The following ARAP2 variants were observed in gnomAD, a reference collection of about 807,000 sequenced individuals.
The protein encoded by ARAP2 is arf-GAP with Rho-GAP domain, ANK repeat and PH domain-containing protein 2.
A neutral mutation model predicts 194.5 loss-of-function variants in ARAP2; 148 were observed. The ratio of observed to expected loss-of-function variants is 0.76; its 90% CI spans 0.67 to 0.87. ARAP2 has a LOEUF of 0.87. Ranked by LOEUF, ARAP2 falls within the 40% of genes least tolerant of loss-of-function variation. The probability of loss-of-function intolerance (pLI) is 0.00; values close to 1 mark genes in which losing one functional copy is unlikely to be tolerated. For missense variants in ARAP2, 2,128 were observed against 1,989.7 expected, an observed-to-expected ratio of 1.07 and a Z score of -1.32; for synonymous variants, 695 against 683.5, an observed-to-expected ratio of 1.02 and a Z score of -0.26.
At chr4:36,038,051 T>A (rs1406984429) in intron 5 of ARAP2, among the ~76,000 whole-genome samples, 2 of 152,162 alleles carry the variant, frequency 1.3e-5, no homozygotes, top group African/African-American at 2.4e-5. Flanking sequence ...GCAGGAGACA[T>A]CCTGGGTTCT....
At chr4:36,191,451 T>C (rs973640603) in intron 7 of ARAP2, among the ~76,000 whole-genome samples, 3 of 151,456 alleles carry the variant, frequency 2.0e-5, no homozygotes, top group Non-Finnish European at 2.9e-5. Flanking sequence ...GATCAAAATA[T>C]ACTTAACAAG....
intron 6 of ARAP2, among the ~76,000 whole-genome samples, chr4:36,016,830 C>A (rs1447549239): frequency 2.6e-5 from 4 of 152,134 alleles, no homozygotes; most frequent in Non-Finnish European, 5.9e-5. Context: ...ATTGTATATT[C>A]TTTGAGAGAC....
intron 27 of ARAP2, among the ~76,000 whole-genome samples, chr4:36,098,692 A>G (rs1483717056): frequency 6.6e-6 from 1 of 152,026 alleles, no homozygotes; most frequent in African/African-American, 2.4e-5. Context: ...TAATCACTTG[A>G]TTGATCTTGA....
At chr4:36,059,437 T>C (rs1371004211) in intron 1 of ARAP2, among the ~76,000 whole-genome samples, 1 of 152,160 alleles carries the variant, frequency 6.6e-6, no homozygotes, top group African/African-American at 2.4e-5. Context: ...TTGCCAATCA[T>C]TAGCTGAATA....
chr4:36,053,865 T>C (rs1304681536), intron 2 of ARAP2, among the ~76,000 whole-genome samples: 1 of 152,204 alleles, frequency 6.6e-6, no homozygotes, highest in African/African-American at 2.4e-5. Context: ...TTGATTATCT[T>C]ACAAATTTAG....
chr4:36,240,815 G>A (rs1008817241), intron 1 of ARAP2, among the ~76,000 whole-genome samples: 1 of 152,032 alleles, frequency 6.6e-6, no homozygotes, highest in African/African-American at 2.4e-5. Flanking sequence ...AGCACAATCT[G>A]AAAAACACAA....
chr4:36,216,492 T>A (rs1462525150), intron 2 of ARAP2, among the ~76,000 whole-genome samples: 1 of 152,218 alleles, frequency 6.6e-6, no homozygotes, highest in East Asian at 1.9e-4. Context: ...GCATCCATTT[T>A]AGAAAATTGC....
chr4:36,043,986 T>C (rs903575566), intron 5 of ARAP2, among the ~76,000 whole-genome samples: 5 of 151,994 alleles, frequency 3.3e-5, no homozygotes, highest in South Asian at 2.1e-4. Flanking sequence ...AAGTAATTAG[T>C]GAATATATGA....
chr4:36,017,445 C>T lies in ARAP2; in HGVS notation n.751-1487G>A, dbSNP rs189339428. The stretch of plus-strand genomic sequence containing the variant: ...ATGATGAGAAACAGAGAAAAACACA[C>T]CAGGATAAGGAGAATAAGAGAGAAA... On this transcript the variant is annotated intron_variant and non_coding_transcript_variant, in intron 6 of 12. Coordinates refer to the ARAP2 transcript ENST00000503225. Among the ~76,000 whole-genome samples, 55 of 150,664 alleles carry T rather than the reference C, an allele frequency of 3.7e-4. No homozygotes were observed. In the East Asian group the frequency reaches 7.4e-3, roughly 20 times the overall value.
At chr4:36,204,554 C>T (rs928718413) in intron 6 of ARAP2, among the ~76,000 whole-genome samples, 1 of 152,192 alleles carries the variant, frequency 6.6e-6, no homozygotes, top group Non-Finnish European at 1.5e-5. Context: ...AGTGTGCACT[C>T]GGCCTGGGGA....
chr4:36,067,022 AGAAATTCT>A lies in ARAP2; in HGVS notation c.*877_*884del, dbSNP rs768038902. The A allele has an allele frequency of 1.1e-4, 16 of 152,366 alleles. No individual in the cohort carries two copies. Among genetic ancestry groups the A allele is most frequent in the Non-Finnish European group, 2.1e-4 (14 of 68,034 alleles). 9.4% of individuals were successfully genotyped at this position (152,366 alleles called of 1,614,324 possible). On this transcript the variant is annotated 3_prime_UTR_variant, in exon 33 of 33. Coordinates refer to ENST00000303965, the MANE Select transcript of ARAP2 (RefSeq NM_015230.4). ...TTTTGTTCGTACCAAAAGTATAGTC[AGAAATTCT>A]GAAAAAAGACAAAATGCTTGCATAC...
chr4:36,200,663 C>T (rs1015262238), intron 6 of ARAP2, among the ~76,000 whole-genome samples: 2 of 152,184 alleles, frequency 1.3e-5, no homozygotes, highest in Non-Finnish European at 2.9e-5. Context: ...AAGTCCTGTG[C>T]TTCTAACTGC....
chr4:36,026,497 T>G (rs1253544960), intron 5 of ARAP2, among the ~76,000 whole-genome samples: 1 of 152,170 alleles, frequency 6.6e-6, no homozygotes. Flanking sequence ...TGTCATTACA[T>G]CTGCTGTGAG....
intron 15 of ARAP2, among the ~76,000 whole-genome samples, chr4:36,156,491 AAGGAAGGAAGGAAGGAGGG>A (rs1732564541): frequency 9.1e-6 from 1 of 109,552 alleles, no homozygotes; most frequent in Non-Finnish European, 1.8e-5. Context: ...AAGAAAGAAA[AAGGAAGGAAGGAAGGAGGG>A]AGGAAGGAAG....
intron 9 of ARAP2, among the ~76,000 whole-genome samples, chr4:36,175,224 T>G (rs1428804400): frequency 1.3e-5 from 2 of 152,228 alleles, no homozygotes; most frequent in Non-Finnish European, 2.9e-5. Flanking sequence ...TACACAAGAT[T>G]ACTGTGTGTG....
chr4:36,172,378 G>GT (rs1736856690), intron 9 of ARAP2, among the ~76,000 whole-genome samples: 1 of 152,112 alleles, frequency 6.6e-6, no homozygotes, highest in Admixed American at 6.5e-5. Flanking sequence ...ATTATAAAGA[G>GT]TAAATAAAGC....
At chr4:36,239,121 C>A (rs760224964) in intron 1 of ARAP2, among the ~76,000 whole-genome samples, 1 of 151,882 alleles carries the variant, frequency 6.6e-6, no homozygotes, top group Non-Finnish European at 1.5e-5. Context: ...ACTAAAAACA[C>A]AAAAATTAGC....
At chr4:36,037,563 T>C (rs1720141629) in intron 5 of ARAP2, among the ~76,000 whole-genome samples, 1 of 152,152 alleles carries the variant, frequency 6.6e-6, no homozygotes, top group Non-Finnish European at 1.5e-5. Flanking sequence ...ATCAAAATTG[T>C]TTTGATAGAC....
chr4:36,116,325 A>G (rs1721297308), intron 25 of ARAP2, among the ~76,000 whole-genome samples: 1 of 151,950 alleles, frequency 6.6e-6, no homozygotes, highest in Non-Finnish European at 1.5e-5. Context: ...ATAAGTAGCT[A>G]AAGCCAAATT....
Sources: allele counts gnomAD v4.1 joint callset (sites outside exome capture counted in the v4.1 genomes callset), GRCh38; gene constraint gnomAD v4.1.1; transcripts MANE v1.5; gene names NCBI Gene and HGNC (gene_info 2026-07-23, HGNC 2026-07-21).